CAPRIN1: variants seen among roughly 807,000 people sequenced by gnomAD.
CAPRIN1 encodes the protein cell cycle associated protein 1, also known as caprin-1.
In CAPRIN1, 29 loss-of-function variants were observed where a neutral mutation model predicts 100.9. The observed-to-expected ratio is 0.29, with a 90% confidence interval of 0.21 to 0.39. The LOEUF (loss-of-function observed/expected upper bound fraction) is 0.39. CAPRIN1 is among the 10% of genes least tolerant of loss of function. CAPRIN1 has a pLI of 1.00. For missense variants in CAPRIN1, 795 were observed against 876.7 expected, an observed-to-expected ratio of 0.91 and a Z score of 1.18; for synonymous variants, 338 against 307.5, an observed-to-expected ratio of 1.10 and a Z score of -1.04.
chr11:34,064,854 C>G (rs1850654426), intron 2 of CAPRIN1, among the ~76,000 whole-genome samples: 2 of 151,204 alleles, frequency 1.3e-5, no homozygotes, highest in African/African-American at 4.9e-5. Flanking sequence ...GTAAACTGGT[C>G]TAGAAATCCA....
In CAPRIN1 at chr11:34,079,748, A is replaced by AC; in HGVS notation, c.811dup (p.Gln271ProfsTer4). ...GCAGCCTCAGCACCTGCAGTTGAAG[A>AC]CCAGGTACCTGAAGCTGGTGAGTAT... On this transcript the variant is annotated frameshift_variant, in exon 7 of 19. Coordinates refer to ENST00000341394, the MANE Select transcript of CAPRIN1 (RefSeq NM_005898.5). LOFTEE classifies it high-confidence loss of function. 1 of 1,614,008 alleles carries AC rather than the reference A, an allele frequency of 6.2e-7. No homozygotes were observed. The highest frequency in any genetic ancestry group is 8.5e-7 in the Non-Finnish European group (1 of 1,179,966).
chr11:34,078,972 G>A (rs1437545098), intron 6 of CAPRIN1, among the ~76,000 whole-genome samples: 1 of 152,014 alleles, frequency 6.6e-6, no homozygotes, highest in African/African-American at 2.4e-5. Flanking sequence ...CTTATTGAGG[G>A]GATATATTGT....
intron 15 of CAPRIN1, among the ~76,000 whole-genome samples, chr11:34,094,096 T>C (rs905952427): frequency 2.6e-5 from 4 of 152,210 alleles, no homozygotes; most frequent in Non-Finnish European, 5.9e-5. Flanking sequence ...CTGGCACCTA[T>C]AATCCCAGCT....
chr11:34,090,520 T>C lies in CAPRIN1; in HGVS notation c.1405-9T>C, dbSNP rs373134331. ...ACCGCTAAAGTGCATCTATTCACTT[T>C]GTGTTTAGGCAACAATCTCTTTAAA... On this transcript the variant is annotated splice_polypyrimidine_tract_variant and intron_variant, in intron 13 of 18. Transcript: ENST00000341394. The C allele has an allele frequency of 6.2e-7, 1 of 1,608,610 alleles. No individual in the cohort carries two copies. The highest frequency in any genetic ancestry group is 8.5e-7 in the Non-Finnish European group (1 of 1,175,628).
At position 34,099,439 on chromosome 11, in the gene CAPRIN1, G is replaced by A. The variant is rs947896641; in HGVS notation, c.*72G>A. On this transcript the variant is annotated 3_prime_UTR_variant, in exon 19 of 19. Coordinates refer to ENST00000341394, the MANE Select transcript of CAPRIN1 (RefSeq NM_005898.5). ...TGTACCATAATATGTTACCAGAAGA[G>A]TTATTATCTATTTGTTCTCCCTTTC... The A allele has an allele frequency of 8.0e-7, 1 of 1,246,142 alleles. No homozygotes were observed. The highest frequency in any genetic ancestry group is 1.5e-5 in the African/African-American group (1 of 67,618). 77.2% of individuals were successfully genotyped at this position (1,246,142 alleles called of 1,614,324 possible). A position where few individuals can be genotyped will look rare whatever the true frequency, so the allele number is the denominator to read the frequency against.
intron 4 of CAPRIN1, among the ~76,000 whole-genome samples, chr11:34,073,580 T>C (rs754103153): frequency 2.0e-5 from 3 of 152,062 alleles, no homozygotes; most frequent in Non-Finnish European, 4.4e-5. Flanking sequence ...TGCGCCACCA[T>C]GCCAGTCTAA....
intron 2 of CAPRIN1, among the ~76,000 whole-genome samples, chr11:34,069,855 G>A (rs1850774870): frequency 6.7e-6 from 1 of 149,808 alleles, no homozygotes; most frequent in Non-Finnish European, 1.5e-5. Flanking sequence ...GGGTAGAATG[G>A]CTAGGCAAGT....
chr11:34,057,575 C>G (rs1475330785), intron 2 of CAPRIN1, among the ~76,000 whole-genome samples: 1 of 152,108 alleles, frequency 6.6e-6, no homozygotes, highest in East Asian at 1.9e-4. Context: ...AAGACTAGTA[C>G]TGTTTCATCT....
intron 2 of CAPRIN1, among the ~76,000 whole-genome samples, chr11:34,069,924 AAG>A (rs1366762700): frequency 4.0e-4 from 53 of 133,400 alleles, no homozygotes; most frequent in Admixed American, 1.3e-3. Flanking sequence ...AAAAAAAAAA[AAG>A]AAAAAACAAA....
rs570456196 is a variant in CAPRIN1 at position 34,052,453 on chromosome 11, C to A, written c.33C>A (p.Gly11=). 1 of 1,607,560 alleles carries A rather than the reference C, an allele frequency of 6.2e-7. No homozygotes were observed. The highest frequency in any genetic ancestry group is 8.5e-7 in the Non-Finnish European group (1 of 1,178,852). The change falls in exon 2 of 19, where the codon GGC becomes GGA. Residue 11 remains glycine (G), a synonymous_variant. Transcript: ENST00000341394. Reference sequence around the variant, plus strand: ...CGGCCACCAGCCACAGCGGGAGCGGCAGCAAGTCGTCCGGACCGCCACCGC... The same window carrying A: ...CGGCCACCAGCCACAGCGGGAGCGGAAGCAAGTCGTCCGGACCGCCACCGC... The part of the protein sequence containing the change: MPSATSHSGS[G]SKSSGPPPPS...
intron 2 of CAPRIN1, among the ~76,000 whole-genome samples, chr11:34,070,522 G>A (rs1850787362): frequency 6.6e-6 from 1 of 152,070 alleles, no homozygotes; most frequent in Non-Finnish European, 1.5e-5. Context: ...AACCTCCCAA[G>A]TACCTGGGAC....
rs1337755353 is a variant in CAPRIN1, at chr11:34,068,693, T to A, written c.217-3033T>A. Among the ~76,000 whole-genome samples the A allele has an allele frequency of 2.0e-5, 3 of 152,258 alleles. No individual in the cohort carries two copies. The East Asian group carries it at 5.8e-4, about 29-fold the overall frequency. On this transcript the variant is annotated intron_variant, in intron 2 of 18. Transcript: ENST00000341394. ...CTTATTGTTTTCATTAAACAAACTA[T>A]ATGTTCATTGCACAGTAGTTAAGTG...
At chr11:34,053,096 T>G in intron 2 of CAPRIN1, 2 of 1,013,910 alleles carry the variant, frequency 2.0e-6, no homozygotes, top group African/African-American at 1.7e-5. Context: ...CCTGCAGCCT[T>G]GGGGTCTGTC....
At chr11:34,062,807 C>T (rs993762363) in intron 2 of CAPRIN1, among the ~76,000 whole-genome samples, 1 of 151,830 alleles carries the variant, frequency 6.6e-6, no homozygotes, top group African/African-American at 2.4e-5. Context: ...TTAAGTATTC[C>T]CTCTCAGTTT....
intron 11 of CAPRIN1, among the ~76,000 whole-genome samples, chr11:34,086,897 C>T (rs530858548): frequency 6.6e-6 from 1 of 152,116 alleles, no homozygotes; most frequent in African/African-American, 2.4e-5. Context: ...AATAGAGGTG[C>T]CTTTTTTTGA....
At chr11:34,098,937 C>A in intron 18 of CAPRIN1, 1 of 1,086,494 alleles carries the variant, frequency 9.2e-7, no homozygotes. Flanking sequence ...AGAGTGTACA[C>A]TAGAATGTAA....
At chr11:34,067,609 C>G (rs902222729) in intron 2 of CAPRIN1, among the ~76,000 whole-genome samples, 2 of 152,118 alleles carry the variant, frequency 1.3e-5, no homozygotes, top group Middle Eastern at 3.4e-3. Context: ...CCTGTCTCAG[C>G]CTCCCAAGTA....
Position 34,099,413 on chromosome 11 carries a change from G to C in CAPRIN1, c.*46G>C. 6.9e-7 allele frequency: 1 copy of C among 1,454,700 alleles called. No individual in the cohort carries two copies. The highest frequency in any genetic ancestry group is 9.7e-7 in the Non-Finnish European group (1 of 1,035,292). 90.1% of individuals were successfully genotyped at this position (1,454,700 alleles called of 1,614,324 possible). On this transcript the variant is annotated 3_prime_UTR_variant, in exon 19 of 19. Coordinates refer to ENST00000341394, the MANE Select transcript of CAPRIN1 (RefSeq NM_005898.5). ...TTAATCGCCAAAAACACACTGGCCA[G>C]TGTACCATAATATGTTACCAGAAGA...
Position 34,099,332 on chromosome 11 carries a change from G to A in CAPRIN1, c.2095G>A (p.Gly699Arg). The change falls in exon 19 of 19, where the codon GGG becomes AGG. Residue 699 changes from glycine (G) to arginine (R), a missense_variant. Around this residue, in one of 3 missense-constraint regions of CAPRIN1, gnomAD observed 648 missense variants for 697.9 expected, o/e 0.93. Coordinates refer to ENST00000341394, the MANE Select transcript of CAPRIN1 (RefSeq NM_005898.5). ...GRGGPPRPNRGMPQMNTQQVN is the reference protein window; with the variant it reads ...GRGGPPRPNRRMPQMNTQQVN ...TGGAGGGCCCCCAAGACCCAACAGAGGGATGCCGCAAATGAACACTCAGCA... is the reference window on the plus strand; with the variant it reads ...TGGAGGGCCCCCAAGACCCAACAGAAGGATGCCGCAAATGAACACTCAGCA... The A allele has an allele frequency of 6.2e-7, 1 of 1,613,720 alleles. No individual in the cohort carries two copies. The highest frequency in any genetic ancestry group is 8.5e-7 in the Non-Finnish European group (1 of 1,179,798).
Sources: allele counts gnomAD v4.1 joint callset (sites outside exome capture counted in the v4.1 genomes callset), GRCh38; gene constraint gnomAD v4.1.1; regional missense constraint gnomAD v4.1.1; transcripts MANE v1.5; gene names NCBI Gene and HGNC (gene_info 2026-07-23, HGNC 2026-07-21).